Variants in SCLY observed in about 807,000 individuals in gnomAD.
SCLY encodes the protein putative selenocysteine lyase.
Under a neutral mutation model 50.1 loss-of-function variants are expected in SCLY, and 38 were observed. That is an observed-to-expected ratio of 0.76 (90% CI 0.59 to 0.99). The LOEUF is 0.99. SCLY is among the 50% of genes least tolerant of loss of function. The pLI is 0.00. For synonymous variants in SCLY, 243 were observed against 249.4 expected (o/e 0.97, Z 0.24); for missense variants, 600 against 620.0 (o/e 0.97, Z 0.34).
At chr2:238,090,098 T>C (rs13391701) in intron 7 of SCLY, among the ~76,000 whole-genome samples, 7,815 of 152,044 alleles carry the variant, frequency 0.051, 684 homozygotes, top group African/African-American at 0.18. Context: ...AAATTCAATC[T>C]GAAAATAGGG....
At chr2:238,073,270 A>C (rs1221177567) in intron 4 of SCLY, among the ~76,000 whole-genome samples, 1 of 152,218 alleles carries the variant, frequency 6.6e-6, no homozygotes, top group African/African-American at 2.4e-5. Flanking sequence ...AGTTTGTAGT[A>C]AGTTTTGAAA....
intron 2 of SCLY, among the ~76,000 whole-genome samples, chr2:238,065,667 TTA>T (rs2065063741): frequency 6.8e-6 from 1 of 147,234 alleles, no homozygotes; most frequent in South Asian, 2.1e-4. Flanking sequence ...TATTTTATTA[TTA>T]TTATTATTAT....
At chr2:238,061,618 A>C (rs549380567) in intron 1 of SCLY, among the ~76,000 whole-genome samples, 1 of 152,170 alleles carries the variant, frequency 6.6e-6, no homozygotes. Flanking sequence ...GCGGGTAGGC[A>C]TGGGACGAGA....
chr2:238,097,442 C>G (rs1423821200), intron 11 of SCLY, among the ~76,000 whole-genome samples: 4 of 152,074 alleles, frequency 2.6e-5, no homozygotes, highest in African/African-American at 7.3e-5. Flanking sequence ...AAACGTGAGG[C>G]CCCTGTGGGA....
At chr2:238,096,745 C>T in intron 10 of SCLY, 56 bp from the exon 11 acceptor site, 1 of 1,559,582 alleles carries the variant, frequency 6.4e-7, no homozygotes, top group Non-Finnish European at 8.7e-7. Flanking sequence ...CGGGAAGGGA[C>T]AGAAGGGCAA....
At chr2:238,088,019 G>A (rs963807196) in intron 7 of SCLY, among the ~76,000 whole-genome samples, 1 of 152,210 alleles carries the variant, frequency 6.6e-6, no homozygotes, top group Non-Finnish European at 1.5e-5. Context: ...TTGAGTGAGC[G>A]TGGGAGGTCA....
intron 4 of SCLY, chr2:238,080,526 C>G (rs2065225346): frequency 6.6e-6 from 1 of 152,412 alleles, no homozygotes; most frequent in Admixed American, 6.5e-5. Context: ...GTGGTGGCAG[C>G]AGAGCCCGGC....
chr2:238,094,492 A>C lies in SCLY; in HGVS notation c.1078A>C (p.Asn360His), dbSNP rs762200127. 2.5e-6 allele frequency: 4 copies of C among 1,614,096 alleles called. No individual in the cohort carries two copies. The East Asian group carries it at 6.7e-5, about 27-fold the overall frequency. Reference sequence around the variant, plus strand: ...CACCCAGCGGCTTCCCAATACCTGTAACTTTTCCATCCGGGGACCCCGGCT... The same window carrying C: ...CACCCAGCGGCTTCCCAATACCTGTCACTTTTCCATCCGGGGACCCCGGCT... Reference protein sequence around the residue: ...PGTQRLPNTCNFSIRGPRLQG... With the variant: ...PGTQRLPNTCHFSIRGPRLQG... Residue 360 changes from asparagine to histidine, a missense_variant, in exon 10 of 12, where the codon AAC becomes CAC. Physicochemically the swap from Asn to His is moderately conservative, Grantham distance 68. Coordinates refer to ENST00000254663, the MANE Select transcript of SCLY (RefSeq NM_016510.7).
At chr2:238,086,821 A>T (rs938399305) in intron 7 of SCLY, among the ~76,000 whole-genome samples, 18 of 151,806 alleles carry the variant, frequency 1.2e-4, no homozygotes, top group African/African-American at 4.4e-4. Context: ...GGAGTTTGAG[A>T]CCAGCCTGAC....
At chr2:238,091,555 C>CGAGATCTA in intron 8 of SCLY, 83 of 347,184 alleles carry the variant, frequency 2.4e-4, no homozygotes, top group South Asian at 6.4e-4. Context: ...TTCACCATTC[C>CGAGATCTA]CAAAGGCGTC....
rs1553568630 is a variant in SCLY, at chr2:238,098,626, C to CCCACATGGGAACGCCCACATAGAACCGT, written c.*281_*282insACGCCCACATAGAACCGTCCACATGGGA. ...ACATAGGACCGCCCACATGGGACCG[C>CCCACATGGGAACGCCCACATAGAACCGT]CCACATGGGACCGCCCACATGGGAC... On this transcript the variant is annotated 3_prime_UTR_variant, in exon 12 of 12. Transcript: ENST00000254663. 8.3e-4 allele frequency: 269 copies of CCCACATGGGAACGCCCACATAGAACCGT among 324,678 alleles called. 4 individuals are homozygous for CCCACATGGGAACGCCCACATAGAACCGT. Among genetic ancestry groups the CCCACATGGGAACGCCCACATAGAACCGT allele is most frequent in the African/African-American group, 4.9e-3 (170 of 34,594 alleles). The allele number at this position is 324,678 out of a possible 1,614,324, so 20.1% of individuals were successfully genotyped here. A position where few individuals can be genotyped will look rare whatever the true frequency, so the allele number is the denominator to read the frequency against.
At chr2:238,081,952 TAAC>T in intron 5 of SCLY, 90 bp from the exon 6 acceptor site, 1 of 1,575,534 alleles carries the variant, frequency 6.3e-7, no homozygotes. Context: ...TTCACTTTGA[TAAC>T]ATTTGGCCTG....
rs1559252189 is a variant in SCLY, at chr2:238,094,495, T to A, written c.1081T>A (p.Phe361Ile). The A allele has an allele frequency of 6.2e-7, 1 of 1,614,226 alleles. No individual in the cohort carries two copies. Among genetic ancestry groups the A allele is most frequent in the African/African-American group, 1.3e-5 (1 of 75,070 alleles). ...GTQRLPNTCN[F>I]SIRGPRLQGH... is the part of the protein sequence containing the mutation. Reference sequence around the variant, plus strand: ...CCAGCGGCTTCCCAATACCTGTAACTTTTCCATCCGGGGACCCCGGCTTCA... The same window carrying A: ...CCAGCGGCTTCCCAATACCTGTAACATTTCCATCCGGGGACCCCGGCTTCA... The change falls in exon 10 of 12, where the codon TTT becomes ATT. Residue 361 changes from phenylalanine to isoleucine, a missense_variant. Phe to Ile is a conservative substitution (Grantham distance 21, BLOSUM62 0). Coordinates refer to ENST00000254663, the MANE Select transcript of SCLY (RefSeq NM_016510.7).
intron 2 of SCLY, among the ~76,000 whole-genome samples, chr2:238,065,650 A>ATTTT (rs1559241209): frequency 4.1e-5 from 4 of 98,052 alleles, no homozygotes; most frequent in Non-Finnish European, 6.5e-5. Context: ...TTAAACTAAT[A>ATTTT]ATATTTTATT....
chr2:238,088,290 C>T (rs762988395), intron 7 of SCLY, among the ~76,000 whole-genome samples: 5 of 151,734 alleles, frequency 3.3e-5, no homozygotes, highest in Non-Finnish European at 5.9e-5. Context: ...GGTGAAATCT[C>T]GCCTCTATTA....
At chr2:238,077,030 A>C (rs1251942859) in intron 4 of SCLY, among the ~76,000 whole-genome samples, 1 of 152,020 alleles carries the variant, frequency 6.6e-6, no homozygotes, top group Non-Finnish European at 1.5e-5. Context: ...AATTCTGCCT[A>C]GTTGTTGTAT....
intron 4 of SCLY, among the ~76,000 whole-genome samples, chr2:238,078,039 C>T (rs1159174110): frequency 5.9e-5 from 9 of 151,486 alleles, no homozygotes; most frequent in Non-Finnish European, 1.0e-4. Flanking sequence ...CTGCCACCTA[C>T]GCCTCCCAGG....
rs1257982306 is a variant in SCLY at position 238,083,846 on chromosome 2, G to T, written c.884+492G>T. Among the ~76,000 whole-genome samples the T allele has an allele frequency of 6.6e-6, 1 of 152,210 alleles. No homozygotes were observed. The highest frequency in any genetic ancestry group is 1.9e-4 in the East Asian group (1 of 5,196). ...AAGAGAGAGAAACAGGAACAGCATG[G>T]TGGTGAGTTCCTGGGTTTTCTTTTC... On this transcript the variant is annotated intron_variant, in intron 7 of 11. Transcript: ENST00000254663. The surrounding 1 kb of genome is among the most constrained non-coding windows in gnomAD (Gnocchi z 4.3).
chr2:238,098,153 C>A, intron 11 of SCLY, 49 bp from the exon 12 acceptor site: 1 of 1,588,780 alleles, frequency 6.3e-7, no homozygotes, highest in Non-Finnish European at 8.6e-7. Context: ...GGCTGTGTCT[C>A]TTCCATGTGC....
Sources: allele counts gnomAD v4.1 joint callset (sites outside exome capture counted in the v4.1 genomes callset), GRCh38; gene constraint gnomAD v4.1.1; non-coding constraint Gnocchi (gnomAD v3.1); transcripts MANE v1.5; gene names NCBI Gene and HGNC (gene_info 2026-07-23, HGNC 2026-07-21).